JCAD: variants seen among roughly 807,000 people sequenced by gnomAD.
The protein encoded by JCAD is junctional cadherin 5 associated, also known as junctional cadherin 5-associated protein.
Under a neutral mutation model 98.0 loss-of-function variants are expected in JCAD, and 40 were observed. The ratio of observed to expected loss-of-function variants is 0.41; its 90% CI spans 0.32 to 0.53. The LOEUF is 0.53. JCAD is among the 20% of genes least tolerant of loss of function. The pLI, the probability that JCAD is intolerant of heterozygous loss-of-function variation, is 0.31. For synonymous variants in JCAD, 691 were observed against 682.3 expected, an observed-to-expected ratio of 1.01 and a Z score of -0.20; for missense variants, 1,705 against 1,738.1, an observed-to-expected ratio of 0.98 and a Z score of 0.34.
intron 2 of JCAD, among the ~76,000 whole-genome samples, chr10:30,065,258 G>A (rs184242684): frequency 2.4e-3 from 362 of 152,274 alleles, no homozygotes; most frequent in Non-Finnish European, 4.2e-3. Flanking sequence ...TACTTTGAAT[G>A]TCCCTAGCAT....
At position 30,028,405 on chromosome 10, in the gene JCAD, G is replaced by A. The variant is rs769033871; in HGVS notation, c.1743C>T (p.Cys581=). 1.2e-6 allele frequency: 2 copies of A among 1,614,192 alleles called. No homozygotes were observed. The highest frequency in any genetic ancestry group is 4.5e-5 in the East Asian group (2 of 44,890). The change falls in exon 3 of 4, where the codon TGC becomes TGT. Residue 581 remains cysteine (C), a synonymous_variant. Transcript: ENST00000375377. ...CTGATTTCACTGGGATAGAAACCAA[G>A]CAAAATATAGTCTCGTTCATTTTTT... ...SKKKMNETIF[C]LVSIPVKSES...
intron 1 of JCAD, among the ~76,000 whole-genome samples, chr10:30,058,170 T>A (rs929322693): frequency 5.9e-5 from 9 of 152,194 alleles, no homozygotes; most frequent in Non-Finnish European, 1.0e-4. Context: ...CTCTGGGTTA[T>A]CTATTCCTTG....
chr10:30,104,543 A>G (rs1838532762), intron 1 of JCAD, among the ~76,000 whole-genome samples: 1 of 152,198 alleles, frequency 6.6e-6, no homozygotes, highest in Admixed American at 6.5e-5. Context: ...ACATAAACAT[A>G]GGAACAATAG....
intron 1 of JCAD, among the ~76,000 whole-genome samples, chr10:30,086,745 T>C (rs928256238): frequency 6.6e-6 from 1 of 152,240 alleles, no homozygotes; most frequent in Non-Finnish European, 1.5e-5. Context: ...AGATTCAAAC[T>C]CTTTCCAATC....
At chr10:30,106,044 G>A (rs960218919) in intron 1 of JCAD, among the ~76,000 whole-genome samples, 17 of 152,094 alleles carry the variant, frequency 1.1e-4, no homozygotes, top group African/African-American at 4.1e-4. Context: ...CAAGTACTAA[G>A]ACCCCAACCA....
intron 2 of JCAD, among the ~76,000 whole-genome samples, chr10:30,036,316 G>A (rs1172724137): frequency 2.0e-5 from 3 of 152,176 alleles, no homozygotes; most frequent in Non-Finnish European, 4.4e-5. Flanking sequence ...AGGCGTGGTA[G>A]TGGGTGCCTG....
In JCAD at chr10:30,027,318, G is replaced by A; in HGVS notation, c.2830C>T (p.Pro944Ser). 1 of 1,613,766 alleles carries A rather than the reference G, an allele frequency of 6.2e-7. No individual in the cohort carries two copies. The change falls in exon 3 of 4, where the codon CCT (proline) becomes TCT (serine). Residue 944 changes from proline to serine, a missense_variant. Transcript: ENST00000375377. ...RFRVEEGGGA[P>S]FCSADGSTSA... ...GTGCTTCCATCTGCTGAGCAGAAAG[G>A]TGCACCGCCACCTTCTTCCACGCGA...
intron 2 of JCAD, among the ~76,000 whole-genome samples, chr10:30,035,208 G>A (rs1371681419): frequency 1.3e-5 from 2 of 152,158 alleles, no homozygotes; most frequent in South Asian, 2.1e-4. Context: ...CCTACAGAGG[G>A]AGCGTGGTTG....
intron 1 of JCAD, among the ~76,000 whole-genome samples, chr10:30,074,920 G>C (rs12256768): frequency 0.012 from 1,838 of 152,178 alleles, 46 homozygotes; most frequent in African/African-American, 0.042. Context: ...AGCCTCCAGA[G>C]TTGCTAGGAC....
chr10:30,054,329 C>T (rs1024636455), intron 1 of JCAD, among the ~76,000 whole-genome samples: 3 of 152,212 alleles, frequency 2.0e-5, no homozygotes, highest in Middle Eastern at 3.4e-3. Context: ...CTTATTTATA[C>T]TTTACTGAAT....
chr10:30,110,952 T>C (rs1838687830), intron 1 of JCAD, among the ~76,000 whole-genome samples: 2 of 152,226 alleles, frequency 1.3e-5, no homozygotes, highest in Non-Finnish European at 2.9e-5. Context: ...GGTTGATGTA[T>C]GGACCCCCTG....
In JCAD at chr10:30,047,840, C is replaced by A. The variant is rs776999340; in HGVS notation, c.-28G>T. The A allele has an allele frequency of 1.3e-5, 20 of 1,576,684 alleles. No individual in the cohort carries two copies. Among genetic ancestry groups the A allele is most frequent in the Non-Finnish European group, 1.6e-5 (19 of 1,160,630 alleles). The stretch of plus-strand genomic sequence containing the variant: ...TGCCTGGGCTTCAGCAAAGCTCAAC[C>A]ACTGGAACCATGGTGGTGGCAGGAC... On this transcript the variant is annotated 5_prime_UTR_variant, in exon 2 of 4. Transcript: ENST00000375377.
At position 30,103,613 on chromosome 10, in the gene JCAD, TACACACAC is replaced by T. The variant is rs5784175; in HGVS notation, n.128+11746_128+11753del. Among the ~76,000 whole-genome samples, 8 of 97,586 alleles carry T rather than the reference TACACACAC, an allele frequency of 8.2e-5. No individual in the cohort carries two copies. The East Asian group carries it at 2.0e-3, about 24-fold the overall frequency. 64.0% of individuals were successfully genotyped at this position (97,586 alleles called of 152,430 possible). On this transcript the variant is annotated intron_variant and non_coding_transcript_variant, in intron 1 of 2. Transcript: ENST00000465712. ...AAATGCCTGTATATTTATGTATAAA[TACACACAC>T]ACACACACACCCACACACACTCACA...
At chr10:30,084,677 G>A (rs1838138214) in intron 1 of JCAD, among the ~76,000 whole-genome samples, 1 of 152,182 alleles carries the variant, frequency 6.6e-6, no homozygotes. Context: ...ATTGGAATGT[G>A]TACCATCAGC....
At position 30,027,404 on chromosome 10, in the gene JCAD, C is replaced by T. The variant is rs371136972; in HGVS notation, c.2744G>A (p.Ser915Asn). The T allele has an allele frequency of 3.7e-6, 6 of 1,605,920 alleles. No homozygotes were observed. Among genetic ancestry groups the T allele is most frequent in the African/African-American group, 1.3e-5 (1 of 74,926 alleles). ...GCCAGGCTGCAGCTCCTCACTCCAG[C>T]TCTCAGACTTACTCTCACCTCTTCC... Reference protein sequence around the residue: ...RSGRGESKSESWSEELQPGHP... With the variant: ...RSGRGESKSENWSEELQPGHP... The change falls in exon 3 of 4, where the codon AGC becomes AAC. Residue 915 changes from serine (S) to asparagine (N), a missense_variant. Ser to Asn is a conservative substitution (Grantham distance 46, BLOSUM62 1). Around this residue, in one of 3 missense-constraint regions of JCAD, gnomAD observed 1,278 missense variants for 1,243.1 expected, o/e 1.03. Coordinates refer to ENST00000375377, the MANE Select transcript of JCAD (RefSeq NM_020848.4).
chr10:30,018,272 T>TTTC (rs368491408), intron 3 of JCAD, among the ~76,000 whole-genome samples: 323 of 148,824 alleles, frequency 2.2e-3, no homozygotes, highest in South Asian at 3.6e-3. Context: ...CTTATCTTTC[T>TTTC]TTCTTCTTCT....
At chr10:30,108,115 C>A (rs976306550) in intron 1 of JCAD, among the ~76,000 whole-genome samples, 40 of 152,128 alleles carry the variant, frequency 2.6e-4, no homozygotes, top group African/African-American at 9.2e-4. Context: ...GAGTTTGAGA[C>A]CCGCCTGGCC....
intron 2 of JCAD, among the ~76,000 whole-genome samples, chr10:30,041,380 G>T (rs1488618672): frequency 6.6e-6 from 1 of 152,186 alleles, no homozygotes; most frequent in Non-Finnish European, 1.5e-5. Flanking sequence ...CGTGTTTGAG[G>T]ATTCATAAGT....
At chr10:30,111,804 G>A (rs138093883) in intron 1 of JCAD, among the ~76,000 whole-genome samples, 8 of 152,258 alleles carry the variant, frequency 5.3e-5, no homozygotes, top group South Asian at 2.1e-4. Context: ...AAAAATAACC[G>A]GAAAATAACT....
Sources: allele counts gnomAD v4.1 joint callset (sites outside exome capture counted in the v4.1 genomes callset), GRCh38; gene constraint gnomAD v4.1.1; regional missense constraint gnomAD v4.1.1; transcripts MANE v1.5; gene names NCBI Gene and HGNC (gene_info 2026-07-23, HGNC 2026-07-21).